PLXNA4: variants seen among roughly 807,000 people sequenced by gnomAD.
The protein encoded by PLXNA4 is plexin-A4.
A neutral mutation model predicts 191.8 loss-of-function variants in PLXNA4; 44 were observed. The ratio of observed to expected loss-of-function variants is 0.23; its 90% CI spans 0.18 to 0.29. The LOEUF (loss-of-function observed/expected upper bound fraction) is 0.29, where lower values mean the gene tolerates loss of function less well. Among genes scored for constraint, PLXNA4 ranks in the 10% least tolerant of loss-of-function variants. PLXNA4 has a pLI of 1.00. For missense variants in PLXNA4, 1,800 were observed against 2,488.8 expected (o/e 0.72, Z 5.89); for synonymous variants, 1,082 against 1,009.5 (o/e 1.07, Z -1.36).
intron 2 of PLXNA4, among the ~76,000 whole-genome samples, chr7:132,633,988 T>G (rs918450422): frequency 6.6e-6 from 1 of 150,940 alleles, no homozygotes; most frequent in Non-Finnish European, 1.5e-5. Context: ...AAACACACAG[T>G]GTATGGCAGA....
chr7:132,148,094 T>C, intron 26 of PLXNA4, 95 bp from the exon 27 acceptor site: 1 of 1,582,840 alleles, frequency 6.3e-7, no homozygotes, highest in South Asian at 1.1e-5. Context: ...TAAGGGGAAA[T>C]TGGTGCCTTG....
rs112458310 is a variant in PLXNA4, at chr7:132,398,802, T to C, written c.1371+90490A>G. Among the ~76,000 whole-genome samples, 1,172 of 152,198 alleles carry C rather than the reference T, an allele frequency of 7.7e-3. 19 individuals carry two copies. The highest frequency in any genetic ancestry group is 0.027 in the African/African-American group (1,120 of 41,524). On this transcript the variant is annotated intron_variant, in intron 3 of 31. Coordinates refer to ENST00000321063, the MANE Select transcript of PLXNA4 (RefSeq NM_020911.2). The stretch of plus-strand genomic sequence containing the variant: ...TGGCCCAGCCCTCGCCAGCTCGAGG[T>C]GGACAGGGCTGATGAGCAGGTGTCA...
chr7:132,498,143 A>G (rs1317311489), intron 2 of PLXNA4, among the ~76,000 whole-genome samples: 9 of 152,230 alleles, frequency 5.9e-5, no homozygotes, highest in African/African-American at 2.2e-4. Flanking sequence ...TTTGAGAGAC[A>G]GAGGAGACAA....
At chr7:132,478,090 C>A (rs912517858) in intron 3 of PLXNA4, among the ~76,000 whole-genome samples, 12 of 152,140 alleles carry the variant, frequency 7.9e-5, no homozygotes, top group African/African-American at 2.9e-4. Context: ...GTCACAGAGC[C>A]TCTAGGGTCC....
At chr7:132,237,755 C>T (rs1048437197) in intron 5 of PLXNA4, among the ~76,000 whole-genome samples, 2 of 152,180 alleles carry the variant, frequency 1.3e-5, no homozygotes, top group Admixed American at 6.5e-5. Context: ...GAGAAGGTAC[C>T]GTTCTCCCTC....
At chr7:132,367,424 C>G (rs930612185) in intron 3 of PLXNA4, among the ~76,000 whole-genome samples, 1 of 150,886 alleles carries the variant, frequency 6.6e-6, no homozygotes, top group African/African-American at 2.4e-5. Flanking sequence ...GATACACACT[C>G]GGGAGTGAGG....
At chr7:132,194,272 GT>G in intron 13 of PLXNA4, 93 bp from the exon 14 acceptor site, 1 of 1,484,410 alleles carries the variant, frequency 6.7e-7, no homozygotes, top group Non-Finnish European at 9.0e-7. Flanking sequence ...TTTCTCCACA[GT>G]AGGATCTCAG....
intron 3 of PLXNA4, among the ~76,000 whole-genome samples, chr7:132,469,511 G>A (rs1167827922): frequency 1.3e-5 from 2 of 152,168 alleles, no homozygotes; most frequent in African/African-American, 4.8e-5. Flanking sequence ...AGTGAGTTCT[G>A]TTTCTCAACC....
At position 132,643,407 on chromosome 7, in the gene PLXNA4, C is replaced by A. The variant is rs564454557; in HGVS notation, c.-87+2521G>T. On this transcript the variant is annotated intron_variant, in intron 2 of 4. Coordinates refer to the PLXNA4 transcript ENST00000378539. ...TCCAGCCGCCAGGTGTGCTGACTCA[C>A]TTGACCCCCCAGCCCCCACCCCACA... 2.0e-5 allele frequency among the ~76,000 whole-genome samples: 3 copies of A among 151,598 alleles called. No individual in the cohort carries two copies. The East Asian group carries it at 5.8e-4, about 29-fold the overall frequency.
At chr7:132,431,443 C>T (rs1273719907) in intron 3 of PLXNA4, among the ~76,000 whole-genome samples, 1 of 152,176 alleles carries the variant, frequency 6.6e-6, no homozygotes, top group East Asian at 1.9e-4. Context: ...TGTGCAGTCC[C>T]ATGTGGGGAC....
intron 1 of PLXNA4, among the ~76,000 whole-genome samples, chr7:132,531,234 T>C (rs1799605148): frequency 6.6e-6 from 1 of 152,224 alleles, no homozygotes; most frequent in South Asian, 2.1e-4. Flanking sequence ...TTATGTTTTA[T>C]GTACTCTACC....
intron 24 of PLXNA4, among the ~76,000 whole-genome samples, chr7:132,163,010 C>T (rs931316492): frequency 5.3e-5 from 8 of 152,210 alleles, no homozygotes; most frequent in African/African-American, 1.9e-4. Context: ...GGCTCCCTCT[C>T]CCGACCGCTG....
At chr7:132,599,821 C>CT (rs1011530892) in intron 2 of PLXNA4, among the ~76,000 whole-genome samples, 3 of 151,206 alleles carry the variant, frequency 2.0e-5, no homozygotes, top group African/African-American at 7.3e-5. Context: ...TTTACTTTTT[C>CT]TTTTTTGGTG....
chr7:132,181,998 G>C (rs1016667461), intron 17 of PLXNA4, 99 bp downstream of exon 17: 39 of 1,574,472 alleles, frequency 2.5e-5, no homozygotes, highest in South Asian at 2.0e-4. Context: ...TCAGTGTATG[G>C]GCAGGGAGTT....
At chr7:132,344,809 A>G (rs1427481760) in intron 3 of PLXNA4, among the ~76,000 whole-genome samples, 3 of 152,344 alleles carry the variant, frequency 2.0e-5, no homozygotes, top group Non-Finnish European at 4.4e-5. Context: ...CTTGCCTCTC[A>G]GTGGAACTAG....
At chr7:132,395,544 T>C (rs990238995) in intron 3 of PLXNA4, among the ~76,000 whole-genome samples, 1 of 152,224 alleles carries the variant, frequency 6.6e-6, no homozygotes, top group Non-Finnish European at 1.5e-5. Flanking sequence ...GCGTCCCACC[T>C]GTGCATCTCA....
chr7:132,565,000 C>G (rs973155630), intron 1 of PLXNA4, among the ~76,000 whole-genome samples: 1 of 152,164 alleles, frequency 6.6e-6, no homozygotes, highest in South Asian at 2.1e-4. Flanking sequence ...CGACCCTCTG[C>G]ATGTGGTTTT....
At chr7:132,327,431 A>T (rs994655426) in intron 3 of PLXNA4, among the ~76,000 whole-genome samples, 1 of 152,208 alleles carries the variant, frequency 6.6e-6, no homozygotes, top group Non-Finnish European at 1.5e-5. Flanking sequence ...ATTGCTTATT[A>T]TAAAATCATA....
At chr7:132,296,442 T>TC (rs1554408057) in intron 4 of PLXNA4, among the ~76,000 whole-genome samples, 638 of 21,792 alleles carry the variant, frequency 0.029, 5 homozygotes, top group African/African-American at 0.17. Flanking sequence ...TTAATTTCTC[T>TC]TTTTTTTTTT....
Sources: gnomAD v4.1 joint callset for allele counts (sites outside exome capture counted in the v4.1 genomes callset) on GRCh38, gnomAD v4.1.1 for gene constraint, MANE v1.5 for transcripts, NCBI Gene and HGNC (gene_info 2026-07-23, HGNC 2026-07-21) for gene names.